The following IGSF10 variants were observed in gnomAD, a reference collection of about 807,000 sequenced individuals.
The protein encoded by IGSF10 is immunoglobulin superfamily member 10.
IGSF10 carries 126 observed loss-of-function variants against 128.2 expected under a neutral mutation model. That is an observed-to-expected ratio of 0.98 (90% CI 0.85 to 1.14). The LOEUF (loss-of-function observed/expected upper bound fraction) is 1.14. Ranked by LOEUF, IGSF10 falls within the 50% of genes most tolerant of loss-of-function variation. The probability of loss-of-function intolerance (pLI) is 0.00; values close to 1 mark genes in which losing one functional copy is unlikely to be tolerated. For missense variants in IGSF10, 3,295 were observed against 3,149.8 expected (o/e 1.05, Z -1.10); for synonymous variants, 1,185 against 1,146.2 (o/e 1.03, Z -0.68).
upstream of IGSF10, chr3:151,461,512 T>C (rs1722059375): frequency 1.4e-6 from 1 of 731,290 alleles, no homozygotes; most frequent in Non-Finnish European, 1.7e-6. Context: ...CAACATGTTA[T>C]GGGCTATATA....
chr3:151,458,107 A>G (rs1272338765), intron 3 of IGSF10, among the ~76,000 whole-genome samples: 1 of 151,394 alleles, frequency 6.6e-6, no homozygotes, highest in Non-Finnish European at 1.5e-5. Context: ...TATAAAAAGG[A>G]TACATATATA....
upstream of IGSF10, among the ~76,000 whole-genome samples, chr3:151,463,357 A>G (rs181728994): frequency 6.6e-6 from 1 of 152,120 alleles, no homozygotes; most frequent in East Asian, 1.9e-4. Flanking sequence ...CTTTATATGT[A>G]TTGCTTAATT....
the IGSF10 span, among the ~76,000 whole-genome samples, chr3:151,537,936 T>C: frequency 5.3e-3 from 803 of 152,306 alleles, 6 homozygotes; most frequent in Non-Finnish European, 6.2e-3. Flanking sequence ...GTAGTTTAGC[T>C]AGGCCAAAAG....
At chr3:151,545,470 C>G in the IGSF10 span, among the ~76,000 whole-genome samples, 1 of 152,210 alleles carries the variant, frequency 6.6e-6, no homozygotes, top group African/African-American at 2.4e-5. Flanking sequence ...GCTCTGAGTG[C>G]TAAATAATAG....
At chr3:151,459,978 G>T (rs1451133507) in intron 2 of IGSF10, among the ~76,000 whole-genome samples, 1 of 152,138 alleles carries the variant, frequency 6.6e-6, no homozygotes, top group Non-Finnish European at 1.5e-5. Context: ...TTTAAGATAG[G>T]ATTAATCATA....
At chr3:151,502,669 T>C in the IGSF10 span, among the ~76,000 whole-genome samples, 1 of 151,992 alleles carries the variant, frequency 6.6e-6, no homozygotes, top group African/African-American at 2.4e-5. Flanking sequence ...TACTTTAAAA[T>C]ATTTTAAGAC....
chr3:151,481,197 C>T, the IGSF10 span, among the ~76,000 whole-genome samples: 2 of 152,152 alleles, frequency 1.3e-5, no homozygotes, highest in African/African-American at 2.4e-5. Flanking sequence ...GAATCAGACC[C>T]TTGCATGAGC....
the IGSF10 span, among the ~76,000 whole-genome samples, chr3:151,576,763 GGAAGTTACCCTA>G: frequency 6.6e-6 from 1 of 152,082 alleles, no homozygotes; most frequent in African/African-American, 2.4e-5. Flanking sequence ...TGCTCATGTG[GGAAGTTACCCTA>G]TATGGTCTAA....
chr3:151,439,653 G>A (rs1720718802), intron 7 of IGSF10, among the ~76,000 whole-genome samples: 1 of 152,210 alleles, frequency 6.6e-6, no homozygotes, highest in Non-Finnish European at 1.5e-5. Flanking sequence ...ACCAACGCAA[G>A]GTTCCTTAGA....
At chr3:151,515,047 A>T in the IGSF10 span, among the ~76,000 whole-genome samples, 1 of 152,110 alleles carries the variant, frequency 6.6e-6, no homozygotes, top group Non-Finnish European at 1.5e-5. Flanking sequence ...AACCATTGTG[A>T]AAGTCAGTGT....
At chr3:151,489,913 A>G in the IGSF10 span, among the ~76,000 whole-genome samples, 1 of 151,758 alleles carries the variant, frequency 6.6e-6, no homozygotes, top group Non-Finnish European at 1.5e-5. Flanking sequence ...TGGCACGTCT[A>G]TACCTATGTA....
At chr3:151,612,405 G>C in the IGSF10 span, among the ~76,000 whole-genome samples, 1 of 152,166 alleles carries the variant, frequency 6.6e-6, no homozygotes, top group Non-Finnish European at 1.5e-5. Context: ...AGTAATTTCA[G>C]CATCATGGAA....
chr3:151,466,246 A>G, the IGSF10 span, among the ~76,000 whole-genome samples: 1 of 151,984 alleles, frequency 6.6e-6, no homozygotes, highest in South Asian at 2.1e-4. Flanking sequence ...TGACCAGGCG[A>G]GGTACCCGCT....
the IGSF10 span, chr3:151,476,218 A>C: frequency 6.6e-6 from 1 of 152,202 alleles, no homozygotes; most frequent in African/African-American, 2.4e-5. Flanking sequence ...GTTTTGAAGG[A>C]AACTGCTTTT....
At chr3:151,473,573 G>A in the IGSF10 span, among the ~76,000 whole-genome samples, 9 of 152,004 alleles carry the variant, frequency 5.9e-5, no homozygotes, top group South Asian at 2.1e-4. Flanking sequence ...AACCCAGTAG[G>A]GTCTCCTTTT....
At chr3:151,453,338 G>A (rs1721600205) in intron 5 of IGSF10, 46 bp downstream of exon 5, 1 of 1,476,980 alleles carries the variant, frequency 6.8e-7, no homozygotes, top group Non-Finnish European at 9.1e-7. Context: ...CCTCCAAGCA[G>A]ATTTCCTCCA....
chr3:151,465,936 G>C (rs888728200), upstream of IGSF10, among the ~76,000 whole-genome samples: 1 of 152,188 alleles, frequency 6.6e-6, no homozygotes, highest in Admixed American at 6.5e-5. Context: ...GCACTGCTGA[G>C]TGTCAAACTG....
the IGSF10 span, among the ~76,000 whole-genome samples, chr3:151,524,458 T>A: frequency 6.6e-6 from 1 of 152,168 alleles, no homozygotes; most frequent in Non-Finnish European, 1.5e-5. Flanking sequence ...TAAAAAAGAA[T>A]AAGATCATGT....
chr3:151,526,962 G>A, the IGSF10 span, among the ~76,000 whole-genome samples: 9 of 152,288 alleles, frequency 5.9e-5, no homozygotes, highest in East Asian at 1.9e-4. Flanking sequence ...TAGCTCCAGC[G>A]TATGTGGGTG....
Sources: gnomAD v4.1 joint callset for allele counts (sites outside exome capture counted in the v4.1 genomes callset) on GRCh38, gnomAD v4.1.1 for gene constraint, MANE v1.5 for transcripts, NCBI Gene and HGNC (gene_info 2026-07-23, HGNC 2026-07-21) for gene names.